NSMAF: variants seen among roughly 807,000 people sequenced by gnomAD.
The protein encoded by NSMAF is neutral sphingomyelinase activation associated factor, also known as protein FAN.
Under a neutral mutation model 134.9 loss-of-function variants are expected in NSMAF, and 90 were observed. That is an observed-to-expected ratio of 0.67 (90% CI 0.56 to 0.79). The LOEUF (loss-of-function observed/expected upper bound fraction) is 0.79, where lower values mean the gene tolerates loss of function less well. Among genes scored for constraint, NSMAF ranks in the 30% least tolerant of loss-of-function variants. NSMAF has a pLI of 0.00. For missense variants in NSMAF, 1,010 were observed against 1,119.0 expected (o/e 0.90, Z 1.39); for synonymous variants, 358 against 389.6 (o/e 0.92, Z 0.96).
chr8:58,657,439 G>A (rs868244896), intron 1 of NSMAF, among the ~76,000 whole-genome samples: 16 of 149,858 alleles, frequency 1.1e-4, no homozygotes, highest in Non-Finnish European at 2.2e-4. Context: ...GTATGCTGGA[G>A]CCAATGACGA....
At chr8:58,584,736 A>AAGCTT (rs2129138251) in intron 30 of NSMAF, among the ~76,000 whole-genome samples, 1 of 152,302 alleles carries the variant, frequency 6.6e-6, no homozygotes, top group East Asian at 1.9e-4. Context: ...TCCTGGGCTC[A>AAGCTT]AGCTAGCCTC....
chr8:58,596,187 A>C (rs1806131714), intron 21 of NSMAF, among the ~76,000 whole-genome samples: 1 of 152,250 alleles, frequency 6.6e-6, no homozygotes, highest in Non-Finnish European at 1.5e-5. Flanking sequence ...AGTTTGAAAC[A>C]GCATCACAAG....
intron 9 of NSMAF, among the ~76,000 whole-genome samples, chr8:58,622,182 G>A (rs925056065): frequency 6.6e-6 from 1 of 152,132 alleles, no homozygotes; most frequent in Non-Finnish European, 1.5e-5. Context: ...CAATCTTGAA[G>A]AATTTTAAAC....
In NSMAF at chr8:58,586,012, G is replaced by A. The variant is rs1004453006; in HGVS notation, c.2447-12C>T. The A allele has an allele frequency of 2.0e-5, 32 of 1,594,944 alleles. No homozygotes were observed. The highest frequency in any genetic ancestry group is 1.7e-4 in the Middle Eastern group (1 of 6,040). On this transcript the variant is annotated splice_polypyrimidine_tract_variant and intron_variant, in intron 28 of 30. Transcript: ENST00000038176. ...GACATGGCGACTATCTGCAACACAAGGTGAGACTCAGATATGAGTGACAGC... is the reference window on the plus strand; with the variant it reads ...GACATGGCGACTATCTGCAACACAAAGTGAGACTCAGATATGAGTGACAGC...
intron 1 of NSMAF, chr8:58,659,105 G>A: frequency 9.1e-7 from 1 of 1,104,398 alleles, no homozygotes; most frequent in Non-Finnish European, 1.2e-6. Context: ...GTGCCGCCCG[G>A]CGACCAACTC....
intron 6 of NSMAF, among the ~76,000 whole-genome samples, chr8:58,626,233 G>A (rs774589782): frequency 6.6e-6 from 1 of 151,486 alleles, no homozygotes; most frequent in Non-Finnish European, 1.5e-5. Context: ...CAAGTAGCTG[G>A]GACTACAGGC....
intron 6 of NSMAF, among the ~76,000 whole-genome samples, chr8:58,629,922 C>T (rs1807019055): frequency 6.6e-6 from 1 of 152,176 alleles, no homozygotes. Flanking sequence ...ATCAGTGGCT[C>T]CAGGCATCTA....
intron 6 of NSMAF, 135 bp from the exon 7 acceptor site, chr8:58,623,915 T>C: frequency 1.5e-6 from 1 of 658,174 alleles, no homozygotes; most frequent in South Asian, 2.0e-5. Context: ...CCCACTGGAA[T>C]GAGAGTTCTA....
chr8:58,594,587 T>G (rs1806093984), intron 22 of NSMAF: 1 of 384,368 alleles, frequency 2.6e-6, no homozygotes, highest in Non-Finnish European at 4.7e-6. Context: ...CTCCTTCTAT[T>G]CCCCCTCGTT....
At chr8:58,659,517 C>A in intron 1 of NSMAF, 56 bp downstream of exon 1, 1 of 1,514,848 alleles carries the variant, frequency 6.6e-7, no homozygotes. Context: ...GCCGGCGTCC[C>A]CACGACCGGC....
At chr8:58,659,085 G>C in intron 1 of NSMAF, 570 of 498,130 alleles carry the variant, frequency 1.1e-3, no homozygotes, top group East Asian at 2.7e-3. Flanking sequence ...GGTGGTCGCC[G>C]GCCTGCTCGG....
At chr8:58,659,466 G>C (rs961811841) in intron 1 of NSMAF, 107 bp downstream of exon 1, 2 of 1,491,776 alleles carry the variant, frequency 1.3e-6, no homozygotes, top group Non-Finnish European at 1.8e-6. Context: ...CCCTGCCTCC[G>C]TGCCCGGCCC....
At chr8:58,612,325 G>T (rs10086028) in intron 9 of NSMAF, among the ~76,000 whole-genome samples, 37,776 of 151,890 alleles carry the variant, frequency 0.25, 5,259 homozygotes, top group Non-Finnish European at 0.31. Context: ...GAGGCTGGGA[G>T]AGCTTCTGGG....
chr8:58,615,858 T>A (rs1806642850), intron 9 of NSMAF, among the ~76,000 whole-genome samples: 1 of 152,066 alleles, frequency 6.6e-6, no homozygotes, highest in Admixed American at 6.5e-5. Flanking sequence ...CAGAAAAATA[T>A]CAACAAAGTC....
intron 9 of NSMAF, 146 bp from the exon 10 acceptor site, chr8:58,609,879 T>G: frequency 1.3e-6 from 1 of 753,296 alleles, no homozygotes; most frequent in Non-Finnish European, 2.1e-6. Context: ...ATAAATTGAT[T>G]GCTTAGATAA....
At chr8:58,646,120 C>T (rs747064640) in intron 1 of NSMAF, among the ~76,000 whole-genome samples, 1 of 152,120 alleles carries the variant, frequency 6.6e-6, no homozygotes, top group African/African-American at 2.4e-5. Context: ...TAGCAGAAAC[C>T]AATTTTACCA....
At chr8:58,620,814 A>G (rs1309320569) in intron 9 of NSMAF, among the ~76,000 whole-genome samples, 2 of 152,218 alleles carry the variant, frequency 1.3e-5, no homozygotes, top group African/African-American at 4.8e-5. Context: ...GAGGAGAGCT[A>G]ATGGGGGTCT....
Position 58,594,301 on chromosome 8 carries a change from A to T in NSMAF, c.1893-11T>A. 1 of 1,611,164 alleles carries T rather than the reference A, an allele frequency of 6.2e-7. No homozygotes were observed. Among genetic ancestry groups the T allele is most frequent in the East Asian group, 2.2e-5 (1 of 44,876 alleles). On this transcript the variant is annotated splice_polypyrimidine_tract_variant and intron_variant, in intron 22 of 30. Transcript: ENST00000038176. ...ATTCCAGTAACTGCTCTGCTCAAAA[A>T]CAAAGTTTCACAAATTACTACTCAT...
intron 6 of NSMAF, among the ~76,000 whole-genome samples, chr8:58,629,163 T>G (rs560380053): frequency 6.6e-6 from 1 of 152,306 alleles, no homozygotes; most frequent in African/African-American, 2.4e-5. Flanking sequence ...GACTCGCATA[T>G]TATGTATTTG....
Sources: allele counts gnomAD v4.1 joint callset (sites outside exome capture counted in the v4.1 genomes callset), GRCh38; gene constraint gnomAD v4.1.1; transcripts MANE v1.5; gene names NCBI Gene and HGNC (gene_info 2026-07-23, HGNC 2026-07-21).